Variants in SNX30 observed in about 807,000 individuals in gnomAD.
SNX30 encodes sorting nexin-30.
Under a neutral mutation model 46.4 loss-of-function variants are expected in SNX30, and 24 were observed. That is an observed-to-expected ratio of 0.52 (90% CI 0.37 to 0.73). The LOEUF (loss-of-function observed/expected upper bound fraction) is 0.73. Ranked by LOEUF, SNX30 falls within the 30% of genes least tolerant of loss-of-function variation. The pLI is 0.00. For synonymous variants in SNX30, 189 were observed against 211.5 expected (o/e 0.89, Z 0.92); for missense variants, 533 against 555.7 (o/e 0.96, Z 0.41).
At chr9:112,776,089 A>G (rs1035832758) in intron 1 of SNX30, among the ~76,000 whole-genome samples, 4 of 151,944 alleles carry the variant, frequency 2.6e-5, no homozygotes, top group African/African-American at 9.7e-5. Context: ...TTCTTCTGGT[A>G]TTTTATGTTT....
At chr9:112,876,334 G>T (rs1841517488), downstream of SNX30, among the ~76,000 whole-genome samples, 2 of 152,232 alleles carry the variant, frequency 1.3e-5, no homozygotes. Flanking sequence ...GAATATGGAG[G>T]CTGGGCGTGG....
At chr9:112,785,675 C>A (rs867828758) in intron 1 of SNX30, among the ~76,000 whole-genome samples, 1 of 151,624 alleles carries the variant, frequency 6.6e-6, no homozygotes, top group African/African-American at 2.4e-5. Flanking sequence ...TGTGCCACCA[C>A]GCCTGGCCGT....
intron 1 of SNX30, among the ~76,000 whole-genome samples, chr9:112,754,834 ACTTAATACTGGATT>A (rs1386733730): frequency 6.6e-6 from 1 of 151,992 alleles, no homozygotes; most frequent in Non-Finnish European, 1.5e-5. Flanking sequence ...CCCTCCCAAA[ACTTAATACTGGATT>A]CTTAAGCCCC....
intron 7 of SNX30, among the ~76,000 whole-genome samples, chr9:112,857,772 C>G (rs566164381): frequency 4.0e-5 from 6 of 149,090 alleles, no homozygotes; most frequent in South Asian, 2.2e-4. Context: ...ATGCATGCAT[C>G]CATCCATCCA....
intron 5 of SNX30, among the ~76,000 whole-genome samples, chr9:112,837,187 C>T (rs1840770022): frequency 6.6e-6 from 1 of 152,084 alleles, no homozygotes; most frequent in Non-Finnish European, 1.5e-5. Flanking sequence ...GCCAGATTTT[C>T]TTTACGGGGG....
rs958779380 is a variant in SNX30, at chr9:112,868,698, A to G, written c.1255-86A>G. Reference sequence around the variant, plus strand: ...CAAAGGTAACCCAGCAGGATCGACAACGAAAGGGTAGGTCAGAGCAGAATT... The same window carrying G: ...CAAAGGTAACCCAGCAGGATCGACAGCGAAAGGGTAGGTCAGAGCAGAATT... On this transcript the variant is annotated intron_variant, in intron 8 of 8. Coordinates refer to ENST00000374232, the MANE Select transcript of SNX30 (RefSeq NM_001012994.2). The G allele has an allele frequency of 3.6e-5, 51 of 1,425,156 alleles. No individual in the cohort carries two copies. In the African/African-American group the frequency reaches 5.9e-4, roughly 17 times the overall value. 88.3% of individuals were successfully genotyped at this position (1,425,156 alleles called of 1,614,324 possible). A position where few individuals can be genotyped will look rare whatever the true frequency, so the allele number is the denominator to read the frequency against.
chr9:112,806,306 G>A (rs909429251), intron 2 of SNX30, among the ~76,000 whole-genome samples: 1 of 152,108 alleles, frequency 6.6e-6, no homozygotes, highest in Admixed American at 6.6e-5. Flanking sequence ...ACATTATTAG[G>A]GAGAGAATTC....
upstream of SNX30, chr9:112,750,429 C>G (rs1295133714): frequency 6.6e-6 from 1 of 152,424 alleles, no homozygotes; most frequent in East Asian, 1.9e-4. Context: ...AAGCCCCCAG[C>G]CCCAAGCGTG....
At position 112,751,124 on chromosome 9, in the gene SNX30, G is replaced by T; in HGVS notation, c.123G>T (p.Pro41=). ...EAVGGDSTPS[P]DLLMARSFGD... The stretch of plus-strand genomic sequence containing the variant: ...TGGGTGGTGACAGCACGCCCAGCCC[G>T]GACCTGCTGATGGCCCGCAGCTTCG... The change falls in exon 1 of 9, where the codon CCG becomes CCT. Residue 41 remains proline, a synonymous_variant. Coordinates refer to ENST00000374232, the MANE Select transcript of SNX30 (RefSeq NM_001012994.2). 6.6e-7 allele frequency: 1 copy of T among 1,512,030 alleles called. No homozygotes were observed. The allele number at this position is 1,512,030 out of a possible 1,614,324, so 93.7% of individuals were successfully genotyped here. A position where few individuals can be genotyped will look rare whatever the true frequency, so the allele number is the denominator to read the frequency against.
intron 6 of SNX30, among the ~76,000 whole-genome samples, 160 bp from the exon 7 acceptor site, chr9:112,850,699 C>T (rs73554316): frequency 0.013 from 1,945 of 152,306 alleles, 42 homozygotes; most frequent in African/African-American, 0.045. Flanking sequence ...CCTGCTTCCT[C>T]CAGAGTTTCT....
intron 3 of SNX30, 71 bp from the exon 4 acceptor site, chr9:112,830,654 G>A: frequency 7.0e-7 from 1 of 1,438,218 alleles, no homozygotes; most frequent in Non-Finnish European, 9.5e-7. Context: ...ATAGAACTGT[G>A]TGCTAGCCTG....
chr9:112,781,060 T>G (rs1189093101), intron 1 of SNX30, among the ~76,000 whole-genome samples: 1 of 152,218 alleles, frequency 6.6e-6, no homozygotes, highest in African/African-American at 2.4e-5. Context: ...CTTTTGGCAC[T>G]GAATGGAGCT....
chr9:112,853,573 A>G (rs953597281), intron 7 of SNX30, among the ~76,000 whole-genome samples: 1 of 152,362 alleles, frequency 6.6e-6, no homozygotes, highest in Middle Eastern at 3.4e-3. Context: ...ATATATTTTA[A>G]AAGTTTGCAT....
At chr9:112,790,050 A>AT (rs772835165) in intron 1 of SNX30, among the ~76,000 whole-genome samples, 22 of 152,222 alleles carry the variant, frequency 1.4e-4, no homozygotes, top group Non-Finnish European at 3.2e-4. Context: ...GAACTTGGAG[A>AT]TACTTGTACA....
At position 112,782,160 on chromosome 9, in the gene SNX30, G is replaced by A. The variant is rs374803192; in HGVS notation, c.157-22616G>A. On this transcript the variant is annotated intron_variant, in intron 1 of 8. Coordinates refer to ENST00000374232, the MANE Select transcript of SNX30 (RefSeq NM_001012994.2). ...CGGCTCACTGCACCCTCTACCTTCC[G>A]GGTTCAAGAGATTCTCCTGCCTCAG... Among the ~76,000 whole-genome samples the A allele has an allele frequency of 3.4e-4, 51 of 151,802 alleles. No individual in the cohort carries two copies. In the East Asian group the frequency reaches 7.4e-3, roughly 22 times the overall value.
chr9:112,864,506 T>C, intron 8 of SNX30, 107 bp downstream of exon 8: 1 of 1,434,980 alleles, frequency 7.0e-7, no homozygotes, highest in Non-Finnish European at 9.7e-7. Context: ...CTCCTTCCCT[T>C]ATTTTAGCTG....
At chr9:112,805,907 C>A (rs1840218048) in intron 2 of SNX30, among the ~76,000 whole-genome samples, 1 of 152,172 alleles carries the variant, frequency 6.6e-6, no homozygotes, top group African/African-American at 2.4e-5. Flanking sequence ...TAGGACTATA[C>A]AGCCTATATT....
chr9:112,864,713 A>G (rs1001123280), intron 8 of SNX30, among the ~76,000 whole-genome samples: 2 of 151,990 alleles, frequency 1.3e-5, no homozygotes, highest in African/African-American at 4.8e-5. Context: ...TGATGCTGCC[A>G]CCGAATGGAG....
intron 6 of SNX30, among the ~76,000 whole-genome samples, chr9:112,847,955 A>G (rs1038769841): frequency 2.6e-5 from 4 of 152,208 alleles, no homozygotes; most frequent in African/African-American, 9.6e-5. Context: ...TCTCCTCTAG[A>G]ATGTAAGCTC....
Sources: gnomAD v4.1 joint callset for allele counts (sites outside exome capture counted in the v4.1 genomes callset) on GRCh38, gnomAD v4.1.1 for gene constraint, MANE v1.5 for transcripts, NCBI Gene and HGNC (gene_info 2026-07-23, HGNC 2026-07-21) for gene names.